CACNA2D1: variants seen among roughly 807,000 people sequenced by gnomAD.
CACNA2D1 encodes voltage-dependent calcium channel subunit alpha-2/delta-1.
In CACNA2D1, 53 loss-of-function variants were observed where a neutral mutation model predicts 171.5. That is an observed-to-expected ratio of 0.31 (90% CI 0.25 to 0.39). The LOEUF is 0.39. CACNA2D1 is among the 10% of genes least tolerant of loss of function. CACNA2D1 has a pLI of 1.00. For missense variants in CACNA2D1, 903 were observed against 1,299.8 expected, an observed-to-expected ratio of 0.69 and a Z score of 4.69; for synonymous variants, 442 against 443.1, an observed-to-expected ratio of 1.00 and a Z score of 0.03.
At chr7:82,419,845 C>G (rs1053439388) in intron 1 of CACNA2D1, among the ~76,000 whole-genome samples, 1 of 152,108 alleles carries the variant, frequency 6.6e-6, no homozygotes, top group Non-Finnish European at 1.5e-5. Context: ...AAAGTAAAAC[C>G]TTAGATCAGT....
chr7:82,352,873 A>G (rs1820013270), intron 1 of CACNA2D1, among the ~76,000 whole-genome samples: 1 of 152,180 alleles, frequency 6.6e-6, no homozygotes, highest in Non-Finnish European at 1.5e-5. Context: ...ACTGAGTCCA[A>G]GCTTGGTTCA....
intron 3 of CACNA2D1, among the ~76,000 whole-genome samples, chr7:82,255,671 G>A (rs38559): frequency 0.09 from 13,729 of 152,154 alleles, 678 homozygotes; most frequent in Middle Eastern, 0.15. Flanking sequence ...AAGAATTAAT[G>A]GGAACAATCA....
intron 3 of CACNA2D1, among the ~76,000 whole-genome samples, chr7:82,317,781 G>A (rs1815298113): frequency 1.3e-5 from 2 of 152,090 alleles, no homozygotes; most frequent in East Asian, 1.9e-4. Flanking sequence ...TAAAGAAAGA[G>A]CAATCTCCAA....
At chr7:81,968,187 C>T (rs776133395) in intron 29 of CACNA2D1, among the ~76,000 whole-genome samples, 5 of 151,202 alleles carry the variant, frequency 3.3e-5, no homozygotes, top group African/African-American at 4.8e-5. Context: ...GTAATAGATC[C>T]GCTGATGGGG....
chr7:82,443,489 CT>C lies in CACNA2D1; in HGVS notation c.-31del. Reference sequence around the variant, plus strand: ...GCGATCGAAGATCAATGCCCCCTCCCTGCCCAAGCGGGGGAAGGAGCGGCGC... The same window carrying C: ...GCGATCGAAGATCAATGCCCCCTCCCGCCCAAGCGGGGGAAGGAGCGGCGC... On this transcript the variant is annotated 5_prime_UTR_variant, in exon 1 of 39. Coordinates refer to ENST00000356860, the MANE Select transcript of CACNA2D1 (RefSeq NM_000722.4). The C allele has an allele frequency of 6.2e-7, 1 of 1,601,548 alleles. No homozygotes were observed. The highest frequency in any genetic ancestry group is 8.5e-7 in the Non-Finnish European group (1 of 1,174,100).
chr7:82,228,376 C>T (rs1472610874), intron 3 of CACNA2D1, among the ~76,000 whole-genome samples: 1 of 152,080 alleles, frequency 6.6e-6, no homozygotes, highest in Admixed American at 6.6e-5. Context: ...TCAGGTCATA[C>T]CCAATTCCTG....
At chr7:82,071,606 A>G (rs977042476) in intron 7 of CACNA2D1, among the ~76,000 whole-genome samples, 5 of 152,100 alleles carry the variant, frequency 3.3e-5, no homozygotes, top group Admixed American at 1.3e-4. Context: ...TGAATCATCT[A>G]TGGGGAGGAG....
intron 38 of CACNA2D1, among the ~76,000 whole-genome samples, chr7:81,956,362 T>C (rs1793345829): frequency 6.6e-6 from 1 of 152,006 alleles, no homozygotes; most frequent in Non-Finnish European, 1.5e-5. Flanking sequence ...ACTGATAACC[T>C]ATAAATCTTA....
intron 38 of CACNA2D1, among the ~76,000 whole-genome samples, chr7:81,953,733 TCC>T (rs34102673): frequency 6.6e-6 from 1 of 152,082 alleles, no homozygotes; most frequent in African/African-American, 2.4e-5. Flanking sequence ...ACAGGAGTAC[TCC>T]CCAGTTATGA....
At chr7:82,259,239 GACA>G (rs1806762134) in intron 3 of CACNA2D1, among the ~76,000 whole-genome samples, 1 of 152,100 alleles carries the variant, frequency 6.6e-6, no homozygotes, top group African/African-American at 2.4e-5. Context: ...CAGACAGACA[GACA>G]GACAGATATA....
chr7:82,306,680 C>G lies in CACNA2D1; in HGVS notation c.294+28455G>C, dbSNP rs946148241. 2.0e-5 allele frequency among the ~76,000 whole-genome samples: 3 copies of G among 152,118 alleles called. 1 individual carries two copies. Among genetic ancestry groups the G allele is most frequent in the South Asian group, 4.1e-4 (2 of 4,820 alleles). On this transcript the variant is annotated intron_variant, in intron 3 of 38. Transcript: ENST00000356860. Reference sequence around the variant, plus strand: ...GTGAATTTTCTGGAGGATCATGAGGCCTGCATCTTCGTTTTTAAAATGCCA... The same window carrying G: ...GTGAATTTTCTGGAGGATCATGAGGGCTGCATCTTCGTTTTTAAAATGCCA...
chr7:82,178,464 G>C (rs537545306), intron 3 of CACNA2D1, among the ~76,000 whole-genome samples: 1 of 151,990 alleles, frequency 6.6e-6, no homozygotes, highest in African/African-American at 2.4e-5. Flanking sequence ...GCAGCTCTAC[G>C]TTTTGCCACC....
At chr7:82,117,686 T>C (rs1307930865) in intron 5 of CACNA2D1, among the ~76,000 whole-genome samples, 1 of 151,960 alleles carries the variant, frequency 6.6e-6, no homozygotes, top group Non-Finnish European at 1.5e-5. Context: ...AGGCTTTAGG[T>C]CAAAAGATCG....
intron 38 of CACNA2D1, among the ~76,000 whole-genome samples, chr7:81,951,174 T>A (rs891460669): frequency 3.9e-5 from 6 of 152,040 alleles, no homozygotes; most frequent in Non-Finnish European, 8.8e-5. Context: ...CCAAGAAATA[T>A]TAGAATGAAT....
At chr7:82,171,675 G>A (rs1796032109) in intron 3 of CACNA2D1, among the ~76,000 whole-genome samples, 1 of 152,064 alleles carries the variant, frequency 6.6e-6, no homozygotes, top group African/African-American at 2.4e-5. Context: ...TTTTCTCCCT[G>A]GATCCCCTAG....
Position 82,231,803 on chromosome 7 carries a change from TAA to T in CACNA2D1, c.295-61196_295-61195del, listed in dbSNP as rs150334940. On this transcript the variant is annotated intron_variant, in intron 3 of 38. Transcript: ENST00000356860. Reference sequence around the variant, plus strand: ...TGTTTACATTTTTTCCTAATTCTTGTAAAGTCTTTGTTCAAATGCACAATTAG... The same window carrying T: ...TGTTTACATTTTTTCCTAATTCTTGTAGTCTTTGTTCAAATGCACAATTAG... Among the ~76,000 whole-genome samples the T allele has an allele frequency of 8.7e-3, 1,325 of 152,294 alleles. 45 individuals carry two copies. The highest frequency in any genetic ancestry group is 0.064 in the Admixed American group (980 of 15,290).
At chr7:82,219,998 G>GT (rs1364694111) in intron 3 of CACNA2D1, among the ~76,000 whole-genome samples, 7 of 152,102 alleles carry the variant, frequency 4.6e-5, no homozygotes, top group Non-Finnish European at 8.8e-5. Context: ...TAGATTCACT[G>GT]TTTTTTTCCA....
chr7:81,988,729 T>C (rs2130715137), intron 21 of CACNA2D1, among the ~76,000 whole-genome samples: 1 of 152,296 alleles, frequency 6.6e-6, no homozygotes, highest in South Asian at 2.1e-4. Context: ...AATTCTTCCA[T>C]TTCTCCAAAT....
chr7:82,241,253 T>C (rs903723228), intron 3 of CACNA2D1, among the ~76,000 whole-genome samples: 1 of 152,222 alleles, frequency 6.6e-6, no homozygotes, highest in African/African-American at 2.4e-5. Flanking sequence ...ATAGTTTACA[T>C]TAACAGATTA....
Sources: allele counts gnomAD v4.1 joint callset (sites outside exome capture counted in the v4.1 genomes callset), GRCh38; gene constraint gnomAD v4.1.1; transcripts MANE v1.5; gene names NCBI Gene and HGNC (gene_info 2026-07-23, HGNC 2026-07-21).